The following COL24A1 variants were observed in gnomAD, a reference collection of about 807,000 sequenced individuals.
The protein encoded by COL24A1 is collagen type XXIV alpha 1 chain.
Under a neutral mutation model 253.9 loss-of-function variants are expected in COL24A1, and 224 were observed. That is an observed-to-expected ratio of 0.88 (90% CI 0.79 to 0.99). The LOEUF is 0.99. Ranked by LOEUF, COL24A1 falls within the 50% of genes least tolerant of loss-of-function variation. COL24A1 has a pLI of 0.00. For synonymous variants in COL24A1, 685 were observed against 673.7 expected, an observed-to-expected ratio of 1.02 and a Z score of -0.26; for missense variants, 2,131 against 2,068.5, an observed-to-expected ratio of 1.03 and a Z score of -0.59.
intron 19 of COL24A1, among the ~76,000 whole-genome samples, chr1:86,005,215 T>A (rs965496277): frequency 3.3e-5 from 5 of 152,056 alleles, no homozygotes; most frequent in African/African-American, 1.2e-4. Flanking sequence ...ACAGCAAATC[T>A]AAATAACATA....
intron 32 of COL24A1, among the ~76,000 whole-genome samples, chr1:85,878,288 T>C (rs1681419000): frequency 6.6e-6 from 1 of 152,330 alleles, no homozygotes; most frequent in East Asian, 1.9e-4. Flanking sequence ...TGCTGCTTCA[T>C]AGATGGTGCC....
chr1:85,749,855 C>CTAAT (rs1398424442), intron 55 of COL24A1, among the ~76,000 whole-genome samples: 1 of 9,092 alleles, frequency 1.1e-4, no homozygotes. Context: ...AAGAAATGAG[C>CTAAT]AAAGCCTCCA....
chr1:86,133,538 T>A (rs1274093476), intron 2 of COL24A1, among the ~76,000 whole-genome samples: 2 of 152,208 alleles, frequency 1.3e-5, no homozygotes, highest in Admixed American at 6.5e-5. Flanking sequence ...ATACCTAATT[T>A]ATTGAGAGTT....
At chr1:85,796,204 A>C (rs896673157) in intron 47 of COL24A1, among the ~76,000 whole-genome samples, 2 of 152,214 alleles carry the variant, frequency 1.3e-5, no homozygotes, top group Admixed American at 6.5e-5. Context: ...TAGTGAAGAC[A>C]GGTCTGTTTG....
intron 12 of COL24A1, among the ~76,000 whole-genome samples, chr1:86,042,867 A>T (rs1699607345): frequency 6.6e-6 from 1 of 152,184 alleles, no homozygotes; most frequent in African/African-American, 2.4e-5. Context: ...TCTGTGCTAT[A>T]TGTATATATA....
At chr1:86,140,685 G>C (rs1309727102) in intron 2 of COL24A1, among the ~76,000 whole-genome samples, 1 of 152,156 alleles carries the variant, frequency 6.6e-6, no homozygotes, top group East Asian at 1.9e-4. Flanking sequence ...ATTATGCATG[G>C]TGCAAGTCAT....
chr1:86,146,130 G>C lies in COL24A1; in HGVS notation c.110C>G (p.Ala37Gly), dbSNP rs1469847541. ...VLCVAGVVVHAQEQGIDILHQ... is the reference protein window; with the variant it reads ...VLCVAGVVVHGQEQGIDILHQ... The stretch of plus-strand genomic sequence containing the variant: ...GGTAATTTTCTTACCTTGTTCTTGT[G>C]CATGAACAACCACCCCAGCCACACA... Residue 37 changes from alanine to glycine, a missense_variant, in exon 2 of 60, where the codon GCA becomes GGA. Transcript: ENST00000370571. 2.5e-6 allele frequency: 4 copies of C among 1,610,264 alleles called. No homozygotes were observed. Among genetic ancestry groups the C allele is most frequent in the Non-Finnish European group, 3.4e-6 (4 of 1,177,916 alleles).
At chr1:85,740,574 TAG>T (rs1664498617) in intron 57 of COL24A1, among the ~76,000 whole-genome samples, 2 of 152,048 alleles carry the variant, frequency 1.3e-5, no homozygotes, top group African/African-American at 4.8e-5. Context: ...CCTCCCACCT[TAG>T]CCTCCTGGGT....
intron 25 of COL24A1, 53 bp from the exon 26 acceptor site, chr1:85,910,056 T>A: frequency 1.4e-6 from 2 of 1,413,138 alleles, no homozygotes; most frequent in African/African-American, 1.4e-5. Flanking sequence ...TAATTAGTCA[T>A]GACTGAGCTA....
chr1:85,939,889 T>C (rs1027757104), intron 24 of COL24A1, among the ~76,000 whole-genome samples: 9 of 152,124 alleles, frequency 5.9e-5, no homozygotes, highest in Admixed American at 5.9e-4. Context: ...TATACTGCCC[T>C]CTTAATTTCT....
intron 47 of COL24A1, among the ~76,000 whole-genome samples, chr1:85,788,199 TC>T (rs1669884880): frequency 6.6e-6 from 1 of 152,162 alleles, no homozygotes; most frequent in African/African-American, 2.4e-5. Context: ...CATGCCATTC[TC>T]CTGCCTCAGC....
At chr1:85,735,833 T>C (rs1557928592) in intron 58 of COL24A1, among the ~76,000 whole-genome samples, 1 of 152,094 alleles carries the variant, frequency 6.6e-6, no homozygotes, top group Non-Finnish European at 1.5e-5. Flanking sequence ...GAGGAATTTG[T>C]ACTGATTTCC....
At chr1:85,823,863 G>T in intron 43 of COL24A1, 125 bp from the exon 44 acceptor site, 1 of 806,956 alleles carries the variant, frequency 1.2e-6, no homozygotes, top group Non-Finnish European at 2.0e-6. Context: ...TAGAGATTAT[G>T]ATTCTTCTTG....
Position 86,125,030 on chromosome 1 carries a change from T to A in COL24A1, c.1306A>T (p.Thr436Ser), listed in dbSNP as rs749236619. Residue 436 changes from threonine (T) to serine (S), a missense_variant, in exon 3 of 60, where the codon ACA (threonine) becomes TCA (serine). By Grantham distance (58) the Thr-to-Ser change is moderately conservative (BLOSUM62 1). Transcript: ENST00000370571. ...PILNTSLHRV[T>S]NEPSVDNHLD... ...TGATTATCCACAGATGGCTCATTTG[T>A]CACTCTATGCAAGCTTGTGTTTAAA... 6.2e-7 allele frequency: 1 copy of A among 1,613,142 alleles called. No individual in the cohort carries two copies. Among genetic ancestry groups the A allele is most frequent in the South Asian group, 1.1e-5 (1 of 90,990 alleles).
At chr1:85,939,385 A>G (rs145387607) in intron 24 of COL24A1, among the ~76,000 whole-genome samples, 19 of 152,304 alleles carry the variant, frequency 1.2e-4, no homozygotes, top group African/African-American at 4.6e-4. Flanking sequence ...TGCTATCCTT[A>G]GGAAACACAG....
In COL24A1 at chr1:85,756,837, T is replaced by C. The variant is rs75404108; in HGVS notation, c.4437+4559A>G. ...TAAGTGTCCATTTGGATAAACAAAA[T>C]CTGGTATATGTATTACATGGACTAT... On this transcript the variant is annotated intron_variant, in intron 55 of 59. Coordinates refer to ENST00000370571, the MANE Select transcript of COL24A1 (RefSeq NM_152890.7). 5.8e-3 allele frequency among the ~76,000 whole-genome samples: 888 copies of C among 152,274 alleles called. 38 individuals carry two copies. In the East Asian group the frequency reaches 0.12, roughly 20 times the overall value.
At chr1:85,954,471 C>G (rs982656659) in intron 24 of COL24A1, among the ~76,000 whole-genome samples, 4 of 152,124 alleles carry the variant, frequency 2.6e-5, no homozygotes, top group Non-Finnish European at 5.9e-5. Flanking sequence ...GCTATATGAC[C>G]TGACTTTGGA....
intron 10 of COL24A1, among the ~76,000 whole-genome samples, chr1:86,054,733 A>G (rs1334681503): frequency 6.6e-6 from 1 of 152,140 alleles, no homozygotes; most frequent in African/African-American, 2.4e-5. Flanking sequence ...AGAAGTTTGG[A>G]AATTTCTCAA....
chr1:85,977,749 A>G (rs1480553200), intron 20 of COL24A1, among the ~76,000 whole-genome samples: 9 of 152,210 alleles, frequency 5.9e-5, no homozygotes, highest in African/African-American at 2.2e-4. Context: ...GCCAAACCTA[A>G]GAATAATTGG....
Sources: allele counts gnomAD v4.1 joint callset (sites outside exome capture counted in the v4.1 genomes callset), GRCh38; gene constraint gnomAD v4.1.1; transcripts MANE v1.5; gene names NCBI Gene and HGNC (gene_info 2026-07-23, HGNC 2026-07-21).